The following KNDC1 variants were observed in gnomAD, a reference collection of about 807,000 sequenced individuals.
KNDC1 encodes the protein kinase non-catalytic C-lobe domain containing 1.
In KNDC1, 106 loss-of-function variants were observed where a neutral mutation model predicts 172.8. The ratio of observed to expected loss-of-function variants is 0.61; its 90% confidence interval spans 0.52 to 0.72. The LOEUF (loss-of-function observed/expected upper bound fraction) is 0.72. KNDC1 is among the 30% of genes least tolerant of loss of function. The pLI is 0.00. For missense variants in KNDC1, 2,325 were observed against 2,394.5 expected (o/e 0.97, Z 0.61); for synonymous variants, 1,083 against 1,062.2 (o/e 1.02, Z -0.38).
At chr10:133,200,535 C>T in intron 16 of KNDC1, 75 bp downstream of exon 16, 2 of 1,153,714 alleles carry the variant, frequency 1.7e-6, no homozygotes, top group South Asian at 1.9e-5. Flanking sequence ...GCGGGGGGCG[C>T]CCCAGGGTCC....
Position 133,207,398 on chromosome 10 carries a change from G to A in KNDC1, c.3794+47G>A, listed in dbSNP as rs557335358. 7 of 1,563,728 alleles carry A rather than the reference G, an allele frequency of 4.5e-6. No homozygotes were observed. In the African/African-American group the frequency reaches 8.1e-5, roughly 18 times the overall value. ...CCCGGAAAAGGAGACGTAGCCCGGGGTGCTGAGAAGAGGGGGGGAACGTGC... is the reference window on the plus strand; with the variant it reads ...CCCGGAAAAGGAGACGTAGCCCGGGATGCTGAGAAGAGGGGGGGAACGTGC... On this transcript the variant is annotated intron_variant, in intron 20 of 29. Transcript: ENST00000304613.
At chr10:133,188,017 G>A (rs1340147290) in intron 6 of KNDC1, among the ~76,000 whole-genome samples, 1 of 151,944 alleles carries the variant, frequency 6.6e-6, no homozygotes. Context: ...TGTGTGTCTG[G>A]TCTCTTCACT....
chr10:133,168,835 A>G (rs1365186930), intron 3 of KNDC1, among the ~76,000 whole-genome samples: 2 of 152,078 alleles, frequency 1.3e-5, no homozygotes, highest in Admixed American at 6.5e-5. Context: ...AGAGTCATAG[A>G]TGCTGCTGCT....
intron 20 of KNDC1, among the ~76,000 whole-genome samples, chr10:133,208,724 G>T (rs896958586): frequency 8.5e-5 from 13 of 152,200 alleles, no homozygotes; most frequent in African/African-American, 3.1e-4. Flanking sequence ...CCACCGCAGG[G>T]TCTCTGTGCC....
Position 133,183,507 on chromosome 10 carries a change from TG to T in KNDC1, c.507+20del. Reference sequence around the variant, plus strand: ...GACCTTGAGGTAAGCGAGGCTGCCCTGGGCCACCCCAGGCTGTGACCCTGAC... The same window carrying T: ...GACCTTGAGGTAAGCGAGGCTGCCCTGGCCACCCCAGGCTGTGACCCTGAC... On this transcript the variant is annotated intron_variant, in intron 4 of 29. Transcript: ENST00000304613. The T allele has an allele frequency of 6.3e-7, 1 of 1,590,288 alleles. No homozygotes were observed. The highest frequency in any genetic ancestry group is 8.5e-7 in the Non-Finnish European group (1 of 1,171,752).
intron 1 of KNDC1, chr10:133,164,284 G>C (rs565794364): frequency 1.3e-5 from 2 of 152,418 alleles, no homozygotes; most frequent in African/African-American, 4.8e-5. Context: ...TGGTCGGTGG[G>C]CTGGACTAGG....
At chr10:133,166,212 A>G (rs1237839393) in intron 1 of KNDC1, among the ~76,000 whole-genome samples, 3 of 151,326 alleles carry the variant, frequency 2.0e-5, no homozygotes, top group African/African-American at 4.8e-5. Context: ...GCACTGGGGG[A>G]GGGGGGGCCA....
At chr10:133,164,922 C>T (rs558295104) in intron 1 of KNDC1, among the ~76,000 whole-genome samples, 4 of 152,208 alleles carry the variant, frequency 2.6e-5, no homozygotes, top group African/African-American at 9.6e-5. Flanking sequence ...GTCTGACCCC[C>T]CCTTGCTCAC....
chr10:133,161,055 C>CCT (rs1218361784), intron 1 of KNDC1, among the ~76,000 whole-genome samples: 2 of 152,006 alleles, frequency 1.3e-5, no homozygotes, highest in African/African-American at 4.8e-5. Flanking sequence ...GTTTTCCGGG[C>CCT]CTTCACCCAA....
chr10:133,164,821 G>A (rs570473917), intron 1 of KNDC1, among the ~76,000 whole-genome samples: 18 of 152,266 alleles, frequency 1.2e-4, no homozygotes, highest in Admixed American at 1.1e-3. Context: ...GGGATGTGGC[G>A]GGGGGAGCCC....
Position 133,180,005 on chromosome 10 carries a change from G to A in KNDC1, c.361-3339G>A, listed in dbSNP as rs565181088. Reference sequence around the variant, plus strand: ...CCCTTCCTCTGCCAGACGCCTGCCCGTGGTCCAGCCTCGTCCTGCTGCCCT... The same window carrying A: ...CCCTTCCTCTGCCAGACGCCTGCCCATGGTCCAGCCTCGTCCTGCTGCCCT... On this transcript the variant is annotated intron_variant, in intron 3 of 29. Transcript: ENST00000304613. 7.2e-5 allele frequency among the ~76,000 whole-genome samples: 11 copies of A among 152,308 alleles called. No homozygotes were observed. In the East Asian group the frequency reaches 2.1e-3, roughly 29 times the overall value.
chr10:133,206,681 C>G lies in KNDC1; in HGVS notation c.3388-4C>G. 6.2e-7 allele frequency: 1 copy of G among 1,613,120 alleles called. No homozygotes were observed. Among genetic ancestry groups the G allele is most frequent in the Non-Finnish European group, 8.5e-7 (1 of 1,179,410 alleles). ...GGGGCTTAGGCGCTGTGTTTCGTCC[C>G]CAGGAGCTGGAACAGCAGCTCATGA... On this transcript the variant is annotated splice_polypyrimidine_tract_variant and splice_region_variant and intron_variant, in intron 17 of 29. Coordinates refer to ENST00000304613, the MANE Select transcript of KNDC1 (RefSeq NM_152643.8).
chr10:133,181,561 G>A (rs1315891259), intron 3 of KNDC1, among the ~76,000 whole-genome samples: 3 of 152,182 alleles, frequency 2.0e-5, no homozygotes, highest in African/African-American at 7.2e-5. Flanking sequence ...TGCCAGGTGG[G>A]CTGCCCCAGG....
Position 133,163,432 on chromosome 10 carries a change from T to A in KNDC1, c.102+2863T>A, listed in dbSNP as rs563127373. 2.9e-4 allele frequency among the ~76,000 whole-genome samples: 44 copies of A among 152,242 alleles called. No individual in the cohort carries two copies. Among genetic ancestry groups the A allele is most frequent in the African/African-American group, 1.0e-3 (42 of 41,546 alleles). On this transcript the variant is annotated intron_variant, in intron 1 of 29. Coordinates refer to ENST00000304613, the MANE Select transcript of KNDC1 (RefSeq NM_152643.8). The surrounding 1 kb of genome is among the most constrained non-coding windows in gnomAD (Gnocchi z 4.4). ...CCAGTAAAGAAGAGGACGTCCCCGC[T>A]GCAGGGTCCATATGACATCTGTGCC...
chr10:133,172,487 C>T (rs1214646434), intron 3 of KNDC1, among the ~76,000 whole-genome samples: 4 of 152,140 alleles, frequency 2.6e-5, no homozygotes, highest in African/African-American at 7.2e-5. Flanking sequence ...CAGATTGTTG[C>T]GCATATTGGA....
Position 133,186,504 on chromosome 10 carries a change from G to C in KNDC1, c.1156G>C (p.Gly386Arg). 4 of 1,612,364 alleles carry C rather than the reference G, an allele frequency of 2.5e-6. No homozygotes were observed. Among genetic ancestry groups the C allele is most frequent in the Non-Finnish European group, 3.4e-6 (4 of 1,179,768 alleles). Reference protein sequence around the residue: ...VPCAGRSTDRGPGVPGSPGQP... With the variant: ...VPCAGRSTDRRPGVPGSPGQP... The stretch of plus-strand genomic sequence containing the variant: ...CTGTGCAGGCCGCAGCACGGACAGG[G>C]GCCCTGGGGTGCCCGGCAGTCCAGG... The change falls in exon 6 of 30, where the codon GGC becomes CGC. Residue 386 changes from glycine to arginine, a missense_variant. Physicochemically the swap from Gly to Arg is moderately radical, Grantham distance 125 (BLOSUM62 -2). Coordinates refer to ENST00000304613, the MANE Select transcript of KNDC1 (RefSeq NM_152643.8).
intron 5 of KNDC1, 75 bp from the exon 6 acceptor site, chr10:133,185,899 G>A: frequency 1.5e-6 from 1 of 670,824 alleles, no homozygotes; most frequent in Non-Finnish European, 2.3e-6. Flanking sequence ...GGGGTGGGAG[G>A]AGAGGGGAGG....
rs779407897 is a variant in KNDC1 at position 133,218,878 on chromosome 10, C to G, written c.4725C>G (p.Cys1575Trp). Residue 1575 changes from cysteine to tryptophan, a missense_variant, in exon 27 of 30, where the codon TGC becomes TGG. Transcript: ENST00000304613. Reference protein sequence around the residue: ...LSKFLLIAKSCYEQRNFATAM... With the variant: ...LSKFLLIAKSWYEQRNFATAM... ...AATTTTTGCTGATTGCAAAATCTTG[C>G]TATGAGCAGAGAAACTTCGCGACAG... The G allele has an allele frequency of 1.9e-6, 3 of 1,613,880 alleles. No individual in the cohort carries two copies. Among genetic ancestry groups the G allele is most frequent in the Admixed American group, 3.3e-5 (2 of 60,026 alleles).
In KNDC1 at chr10:133,218,102, G is replaced by A. The variant is rs879374829; in HGVS notation, c.4678-729G>A. Among the ~76,000 whole-genome samples the A allele has an allele frequency of 2.4e-4, 36 of 151,708 alleles. 1 individual carries two copies. Among genetic ancestry groups the A allele is most frequent in the Non-Finnish European group, 2.9e-4 (20 of 67,966 alleles). Reference sequence around the variant, plus strand: ...GAGTCGATCCGGGGCATGGCGTCCAGCTGGACTCTGCAGCCTTGGTTTCCA... The same window carrying A: ...GAGTCGATCCGGGGCATGGCGTCCAACTGGACTCTGCAGCCTTGGTTTCCA... On this transcript the variant is annotated intron_variant, in intron 26 of 29. Coordinates refer to ENST00000304613, the MANE Select transcript of KNDC1 (RefSeq NM_152643.8).
Sources: allele counts gnomAD v4.1 joint callset (sites outside exome capture counted in the v4.1 genomes callset), GRCh38; gene constraint gnomAD v4.1.1; non-coding constraint Gnocchi (gnomAD v3.1); transcripts MANE v1.5; gene names NCBI Gene and HGNC (gene_info 2026-07-23, HGNC 2026-07-21).